Variants in PDE1C observed in about 807,000 individuals in gnomAD.
The protein encoded by PDE1C is phosphodiesterase 1C.
A neutral mutation model predicts 93.1 loss-of-function variants in PDE1C; 62 were observed. The observed-to-expected ratio is 0.67, with a 90% confidence interval of 0.54 to 0.82. PDE1C has a LOEUF of 0.82. PDE1C is among the 40% of genes least tolerant of loss of function. The pLI, the probability that PDE1C is intolerant of heterozygous loss-of-function variation, is 0.00. For synonymous variants in PDE1C, 325 were observed against 310.1 expected (o/e 1.05, Z -0.50); for missense variants, 742 against 884.6 (o/e 0.84, Z 2.04).
chr7:32,199,079 C>T (rs1470657812), intron 2 of PDE1C, among the ~76,000 whole-genome samples: 1 of 151,902 alleles, frequency 6.6e-6, no homozygotes, highest in Admixed American at 6.6e-5. Context: ...ACCAAGATCG[C>T]TCCACTGCAC....
the PDE1C span, among the ~76,000 whole-genome samples, chr7:31,715,322 T>G: frequency 6.6e-6 from 1 of 152,018 alleles, no homozygotes; most frequent in African/African-American, 2.4e-5. Context: ...CACTGCAACC[T>G]CTGCCTCCCA....
At chr7:31,895,352 A>T (rs1157138245) in intron 2 of PDE1C, among the ~76,000 whole-genome samples, 1 of 152,106 alleles carries the variant, frequency 6.6e-6, no homozygotes, top group Non-Finnish European at 1.5e-5. Flanking sequence ...TTAGCTAGAG[A>T]TGTCACTAAG....
chr7:31,871,002 T>C (rs184165649), intron 6 of PDE1C, among the ~76,000 whole-genome samples: 7 of 151,652 alleles, frequency 4.6e-5, no homozygotes, highest in Admixed American at 3.3e-4. Flanking sequence ...GTATAAAAAA[T>C]AGTATTTTCT....
At chr7:31,867,204 A>C (rs1295548660) in intron 6 of PDE1C, among the ~76,000 whole-genome samples, 1 of 152,068 alleles carries the variant, frequency 6.6e-6, no homozygotes, top group East Asian at 1.9e-4. Context: ...ATGCAAGTTC[A>C]TGCACCCTAA....
intron 3 of PDE1C, among the ~76,000 whole-genome samples, chr7:32,090,455 C>T (rs1389874438): frequency 1.3e-5 from 2 of 152,170 alleles, no homozygotes; most frequent in Admixed American, 6.5e-5. Context: ...TTGACATGCG[C>T]GGGCTTTCTT....
intron 2 of PDE1C, among the ~76,000 whole-genome samples, chr7:31,964,832 T>A (rs1373708732): frequency 1.3e-5 from 2 of 152,204 alleles, no homozygotes; most frequent in Non-Finnish European, 2.9e-5. Flanking sequence ...CCGTTGCTGA[T>A]ACCCAGGCAA....
intron 2 of PDE1C, among the ~76,000 whole-genome samples, chr7:31,895,580 T>TTCTCTCTCTCTCTCTCTCTCTC (rs60958547): frequency 1.4e-5 from 2 of 144,812 alleles, no homozygotes; most frequent in Admixed American, 1.4e-4. Context: ...TTTCTCTCTT[T>TTCTCTCTCTCTCTCTCTCTCTC]TCTCTCTCTC....
intron 2 of PDE1C, among the ~76,000 whole-genome samples, chr7:31,923,958 T>G (rs1803002031): frequency 6.6e-6 from 1 of 152,192 alleles, no homozygotes; most frequent in Non-Finnish European, 1.5e-5. Flanking sequence ...TAAGATGAAC[T>G]TTTTTTCTAT....
chr7:32,281,403 A>T (rs1044674311), intron 1 of PDE1C, among the ~76,000 whole-genome samples: 13 of 152,192 alleles, frequency 8.5e-5, no homozygotes, highest in African/African-American at 3.1e-4. Context: ...TTTAATTTTG[A>T]TATATAAAAA....
At chr7:31,733,473 C>T in the PDE1C span, among the ~76,000 whole-genome samples, 1 of 152,162 alleles carries the variant, frequency 6.6e-6, no homozygotes, top group African/African-American at 2.4e-5. Context: ...TCCCATTAAG[C>T]AGATAAAGAG....
chr7:31,964,734 G>A (rs938089881), intron 2 of PDE1C, among the ~76,000 whole-genome samples: 7 of 152,086 alleles, frequency 4.6e-5, no homozygotes, highest in African/African-American at 1.2e-4. Flanking sequence ...CACCTCAAAC[G>A]GCCAGGTACT....
Position 32,116,391 on chromosome 7 carries a change from C to T in PDE1C, c.308+53394G>A, listed in dbSNP as rs146690529. 2.1e-3 allele frequency among the ~76,000 whole-genome samples: 313 copies of T among 152,088 alleles called. 2 individuals carry two copies. Among genetic ancestry groups the T allele is most frequent in the African/African-American group, 7.0e-3 (291 of 41,502 alleles). ...CATAAGATAATACACCTGCTATTCT[C>T]GGGGGAATAGGAGAAGAGTGTCCTT... On this transcript the variant is annotated intron_variant, in intron 3 of 18. Transcript: ENST00000396193.
intron 2 of PDE1C, among the ~76,000 whole-genome samples, chr7:32,012,120 A>C (rs959398512): frequency 3.3e-5 from 5 of 152,232 alleles, no homozygotes. Context: ...AACTATAAAG[A>C]AATACCTGAG....
intron 2 of PDE1C, among the ~76,000 whole-genome samples, chr7:32,173,663 C>T (rs558728958): frequency 6.6e-6 from 1 of 152,110 alleles, no homozygotes; most frequent in Non-Finnish European, 1.5e-5. Flanking sequence ...AGAAGCAGTG[C>T]TAGCTAACAC....
At chr7:31,794,110 G>GATAGATA (rs1784995329) in intron 16 of PDE1C, among the ~76,000 whole-genome samples, 2 of 123,360 alleles carry the variant, frequency 1.6e-5, no homozygotes, top group Admixed American at 7.7e-5. Context: ...ACAGATAGAT[G>GATAGATA]GGCAGGCGGG....
the PDE1C span, among the ~76,000 whole-genome samples, chr7:31,706,917 C>T: frequency 6.6e-6 from 1 of 152,202 alleles, no homozygotes; most frequent in Non-Finnish European, 1.5e-5. Flanking sequence ...TTCCATCCCG[C>T]CATGCTGCAA....
chr7:31,920,844 C>T (rs1291268292), intron 2 of PDE1C, among the ~76,000 whole-genome samples: 1 of 152,146 alleles, frequency 6.6e-6, no homozygotes, highest in Non-Finnish European at 1.5e-5. Flanking sequence ...ATCCTATTTT[C>T]CTTTACATCC....
intron 2 of PDE1C, among the ~76,000 whole-genome samples, chr7:32,206,154 C>G (rs1805484485): frequency 6.6e-6 from 1 of 152,134 alleles, no homozygotes; most frequent in African/African-American, 2.4e-5. Flanking sequence ...CCAGAGCTTA[C>G]ATGGTGGCTG....
chr7:31,808,995 T>G, intron 16 of PDE1C, 36 bp downstream of exon 16: 1 of 1,263,662 alleles, frequency 7.9e-7, no homozygotes, highest in East Asian at 2.3e-5. Context: ...AAACTGCACA[T>G]TTTATGGAAA....
Sources: gnomAD v4.1 joint callset for allele counts (sites outside exome capture counted in the v4.1 genomes callset) on GRCh38, gnomAD v4.1.1 for gene constraint, MANE v1.5 for transcripts, NCBI Gene and HGNC (gene_info 2026-07-23, HGNC 2026-07-21) for gene names.